Variants in RBMS3 observed in about 807,000 individuals in gnomAD.
RBMS3 encodes RNA binding motif single stranded interacting protein 3.
In RBMS3, 27 loss-of-function variants were observed where a neutral mutation model predicts 66.8. That is an observed-to-expected ratio of 0.40 (90% confidence interval 0.30 to 0.56). The LOEUF is 0.56. Ranked by LOEUF, RBMS3 falls within the 20% of genes least tolerant of loss-of-function variation. RBMS3 has a pLI of 0.40. For synonymous variants in RBMS3, 188 were observed against 183.0 expected (o/e 1.03, Z -0.22); for missense variants, 513 against 549.5 (o/e 0.93, Z 0.66).
At chr3:29,702,941 G>T (rs1205665072) in intron 4 of RBMS3, among the ~76,000 whole-genome samples, 1 of 152,216 alleles carries the variant, frequency 6.6e-6, no homozygotes, top group Non-Finnish European at 1.5e-5. Flanking sequence ...ATAGGAAGCT[G>T]AAAAGATTGT....
chr3:29,758,510 T>C (rs757680115), intron 5 of RBMS3, among the ~76,000 whole-genome samples: 1 of 152,182 alleles, frequency 6.6e-6, no homozygotes, highest in Non-Finnish European at 1.5e-5. Flanking sequence ...AAGAGGAATG[T>C]GTTGTAATGC....
At chr3:29,966,376 T>C (rs996251903) in intron 12 of RBMS3, among the ~76,000 whole-genome samples, 2 of 152,222 alleles carry the variant, frequency 1.3e-5, no homozygotes, top group Admixed American at 6.5e-5. Flanking sequence ...GTGTCGTCTA[T>C]GATTACTTTC....
chr3:29,740,995 C>T (rs1028841511), intron 5 of RBMS3, among the ~76,000 whole-genome samples: 9 of 150,358 alleles, frequency 6.0e-5, no homozygotes, highest in African/African-American at 2.2e-4. Context: ...AAGCCGAGAT[C>T]GCGCCACTAT....
intron 4 of RBMS3, among the ~76,000 whole-genome samples, chr3:29,603,583 C>T (rs1028206245): frequency 6.6e-6 from 1 of 152,000 alleles, no homozygotes; most frequent in African/African-American, 2.4e-5. Flanking sequence ...CTCCACACTT[C>T]ATTGGTCAGT....
chr3:29,401,362 CAA>C (rs983619607), intron 1 of RBMS3, among the ~76,000 whole-genome samples: 1 of 151,780 alleles, frequency 6.6e-6, no homozygotes, highest in Non-Finnish European at 1.5e-5. Context: ...TTTACCTCCA[CAA>C]AAAAAACTTG....
At chr3:29,385,267 T>C (rs1400445883) in intron 1 of RBMS3, among the ~76,000 whole-genome samples, 1 of 152,140 alleles carries the variant, frequency 6.6e-6, no homozygotes, top group East Asian at 1.9e-4. Context: ...CCTTCGCAAC[T>C]AATCCTATTA....
intron 12 of RBMS3, among the ~76,000 whole-genome samples, chr3:29,982,765 G>A (rs1289562636): frequency 6.6e-6 from 1 of 152,186 alleles, no homozygotes; most frequent in Non-Finnish European, 1.5e-5. Context: ...TGATTGCACT[G>A]TGGTCTGAGA....
chr3:29,313,084 T>C (rs1341279255), intron 1 of RBMS3, among the ~76,000 whole-genome samples: 1 of 151,810 alleles, frequency 6.6e-6, no homozygotes, highest in African/African-American at 2.4e-5. Flanking sequence ...CTGTGGATCA[T>C]ATAATGAATG....
In RBMS3 at chr3:29,817,192, C is replaced by CTTTTTTTTTTTTTTTT. The variant is rs373365962; in HGVS notation, c.638-51653_638-51652insTTTTTTTTTTTTTTTT. ...GGGTTGCATTTCCAAATTTTCTTTT[C>CTTTTTTTTTTTTTTTT]TTTTTTTTTTTTTGAGGCAAAGTCT... is the stretch of plus-strand genomic sequence containing the variant. On this transcript the variant is annotated intron_variant, in intron 6 of 14. Coordinates refer to ENST00000383767, the MANE Select transcript of RBMS3 (RefSeq NM_001003793.3). 3.5e-4 allele frequency among the ~76,000 whole-genome samples: 45 copies of CTTTTTTTTTTTTTTTT among 127,212 alleles called. 2 individuals are homozygous for CTTTTTTTTTTTTTTTT. The highest frequency in any genetic ancestry group is 4.7e-4 in the Admixed American group (6 of 12,738). 83.5% of individuals were successfully genotyped at this position (127,212 alleles called of 152,430 possible).
intron 1 of RBMS3, among the ~76,000 whole-genome samples, chr3:29,425,984 G>C (rs1282594083): frequency 2.0e-5 from 3 of 152,132 alleles, no homozygotes; most frequent in East Asian, 1.9e-4. Context: ...AGAATGCTCT[G>C]ATTCTAACAA....
chr3:29,805,579 C>A (rs1324567934), intron 6 of RBMS3, among the ~76,000 whole-genome samples: 1 of 151,750 alleles, frequency 6.6e-6, no homozygotes, highest in Non-Finnish European at 1.5e-5. Flanking sequence ...TGATCCTGAC[C>A]CTGTGTAGGC....
chr3:29,434,632 C>T (rs1239109983), intron 1 of RBMS3, 111 bp from the exon 2 acceptor site: 2 of 1,384,530 alleles, frequency 1.4e-6, no homozygotes, highest in Non-Finnish European at 2.0e-6. Context: ...TGTGTATGTA[C>T]GTGTGTGTAT....
chr3:29,326,136 C>T (rs1247837955), intron 1 of RBMS3, among the ~76,000 whole-genome samples: 2 of 152,102 alleles, frequency 1.3e-5, no homozygotes, highest in African/African-American at 4.8e-5. Flanking sequence ...TTCATTGCCA[C>T]CAAATTTATC....
intron 4 of RBMS3, among the ~76,000 whole-genome samples, chr3:29,648,894 T>C (rs9877765): frequency 0.22 from 33,472 of 152,066 alleles, 3,979 homozygotes; most frequent in East Asian, 0.35. Context: ...CACTGAAATA[T>C]CCAGTACAGC....
At chr3:29,956,627 ATTT>A (rs1402657493) in intron 12 of RBMS3, among the ~76,000 whole-genome samples, 1 of 152,090 alleles carries the variant, frequency 6.6e-6, no homozygotes, top group African/African-American at 2.4e-5. Flanking sequence ...AGATGCCTGA[ATTT>A]TCTCTCACAG....
chr3:29,348,048 A>AT (rs1329297762), intron 1 of RBMS3, among the ~76,000 whole-genome samples: 1 of 151,984 alleles, frequency 6.6e-6, no homozygotes, highest in Non-Finnish European at 1.5e-5. Flanking sequence ...TTGGAAATTT[A>AT]TTTTTTTCCA....
chr3:29,463,159 A>G (rs2042424013), intron 2 of RBMS3, among the ~76,000 whole-genome samples: 1 of 152,214 alleles, frequency 6.6e-6, no homozygotes, highest in Non-Finnish European at 1.5e-5. Flanking sequence ...ATGTGTCTCC[A>G]GAGCTTCTAT....
At chr3:29,379,615 C>T (rs534598499) in intron 1 of RBMS3, among the ~76,000 whole-genome samples, 1 of 152,170 alleles carries the variant, frequency 6.6e-6, no homozygotes, top group Non-Finnish European at 1.5e-5. Flanking sequence ...GAGAGCAGCA[C>T]GGGAAAGACC....
At chr3:29,596,322 C>G (rs894243679) in intron 4 of RBMS3, among the ~76,000 whole-genome samples, 1 of 152,162 alleles carries the variant, frequency 6.6e-6, no homozygotes, top group African/African-American at 2.4e-5. Flanking sequence ...TACCGAGGTT[C>G]ACGGTCCACC....
Sources: allele counts gnomAD v4.1 joint callset (sites outside exome capture counted in the v4.1 genomes callset), GRCh38; gene constraint gnomAD v4.1.1; transcripts MANE v1.5; gene names NCBI Gene and HGNC (gene_info 2026-07-23, HGNC 2026-07-21).